ATP9A: variants seen among roughly 807,000 people sequenced by gnomAD.
The protein encoded by ATP9A is ATPase phospholipid transporting 9A.
Under a neutral mutation model 144.1 loss-of-function variants are expected in ATP9A, and 52 were observed. That is an observed-to-expected ratio of 0.36 (90% CI 0.29 to 0.45). ATP9A has a LOEUF of 0.45. ATP9A is among the 20% of genes least tolerant of loss of function. The pLI, the probability that ATP9A is intolerant of heterozygous loss-of-function variation, is 1.00. For synonymous variants in ATP9A, 582 were observed against 557.4 expected (o/e 1.04, Z -0.62); for missense variants, 947 against 1,392.7 (o/e 0.68, Z 5.09).
chr20:51,748,273 C>T (rs114706081), intron 1 of ATP9A, among the ~76,000 whole-genome samples: 1,753 of 152,076 alleles, frequency 0.012, 28 homozygotes, highest in African/African-American at 0.04. Context: ...AGTGAGATCC[C>T]ATCTCTATTT....
chr20:51,615,078 T>C (rs1478478402), intron 22 of ATP9A, among the ~76,000 whole-genome samples: 9 of 3,100 alleles, frequency 2.9e-3, no homozygotes, highest in African/African-American at 9.3e-3. Context: ...TTACATGGGG[T>C]GGGGGTGCCT....
chr20:51,749,299 G>A (rs1014758383), intron 1 of ATP9A, among the ~76,000 whole-genome samples: 5 of 151,900 alleles, frequency 3.3e-5, no homozygotes, highest in African/African-American at 4.8e-5. Context: ...GTCTCACTCC[G>A]TCACCCAGGC....
At chr20:51,726,313 C>CAA (rs11476208) in intron 2 of ATP9A, among the ~76,000 whole-genome samples, 1,324 of 70,706 alleles carry the variant, frequency 0.019, 79 homozygotes, top group South Asian at 0.042. Context: ...AACTCTGTCT[C>CAA]AAAAAAAAAA....
chr20:51,711,618 C>T (rs1327836003), intron 4 of ATP9A, among the ~76,000 whole-genome samples: 1 of 152,116 alleles, frequency 6.6e-6, no homozygotes, highest in Non-Finnish European at 1.5e-5. Flanking sequence ...TTTCCTTGGC[C>T]AGATTAGCAA....
intron 13 of ATP9A, among the ~76,000 whole-genome samples, chr20:51,663,344 G>C (rs376586524): frequency 7.2e-4 from 110 of 152,250 alleles, no homozygotes; most frequent in African/African-American, 2.5e-3. Context: ...CGAATGATAT[G>C]AATACAGGTG....
intron 9 of ATP9A, among the ~76,000 whole-genome samples, chr20:51,686,834 C>A (rs4811218): frequency 0.6 from 90,282 of 151,158 alleles, 27,193 homozygotes; most frequent in Non-Finnish European, 0.62. Context: ...ACTGGAGAGG[C>A]TGAGGCAGGA....
intron 1 of ATP9A, among the ~76,000 whole-genome samples, chr20:51,753,336 T>G (rs768875400): frequency 3.7e-4 from 56 of 152,070 alleles, no homozygotes; most frequent in Non-Finnish European, 6.9e-4. Flanking sequence ...TCCTAGCTAC[T>G]TGGGAGGCAG....
At chr20:51,707,894 C>A (rs2077621395) in intron 4 of ATP9A, among the ~76,000 whole-genome samples, 1 of 151,906 alleles carries the variant, frequency 6.6e-6, no homozygotes, top group East Asian at 1.9e-4. Flanking sequence ...GAGATGGAGT[C>A]TGGCTCTGTC....
At chr20:51,690,665 A>T in intron 8 of ATP9A, 74 bp downstream of exon 8, 2 of 1,264,144 alleles carry the variant, frequency 1.6e-6, no homozygotes, top group Non-Finnish European at 2.3e-6. Context: ...AAGAACTGTC[A>T]GTACTTCTTG....
chr20:51,633,364 T>C lies in ATP9A; in HGVS notation c.1669-4292A>G, dbSNP rs574450612. 7.9e-5 allele frequency among the ~76,000 whole-genome samples: 12 copies of C among 152,308 alleles called. No homozygotes were observed. In the South Asian group the frequency reaches 2.5e-3, roughly 32 times the overall value. ...GTTCAGTGATAATTTTACAAAAATG[T>C]GTGTGGATATTTACACTCGGATATG... On this transcript the variant is annotated intron_variant, in intron 15 of 27. Coordinates refer to ENST00000338821, the MANE Select transcript of ATP9A (RefSeq NM_006045.3).
intron 1 of ATP9A, among the ~76,000 whole-genome samples, chr20:51,743,417 T>TTTTTTTTG (rs2077793509): frequency 6.8e-6 from 1 of 146,416 alleles, no homozygotes; most frequent in Admixed American, 6.8e-5. Flanking sequence ...TTTTTTTTTT[T>TTTTTTTTG]GAGACGGAGT....
chr20:51,656,757 G>A (rs1405659344), intron 14 of ATP9A, among the ~76,000 whole-genome samples, 181 bp downstream of exon 14: 3 of 152,148 alleles, frequency 2.0e-5, no homozygotes, highest in South Asian at 2.1e-4. Flanking sequence ...TCAAGTCCAA[G>A]GCTATTCTTT....
At chr20:51,718,998 C>T (rs1372475491) in intron 3 of ATP9A, among the ~76,000 whole-genome samples, 2 of 151,020 alleles carry the variant, frequency 1.3e-5, no homozygotes, top group Non-Finnish European at 3.0e-5. Flanking sequence ...CGTGGTGGTG[C>T]GCGCCTGTAG....
chr20:51,716,046 G>A (rs923158910), intron 3 of ATP9A, among the ~76,000 whole-genome samples: 7 of 152,086 alleles, frequency 4.6e-5, no homozygotes, highest in African/African-American at 1.7e-4. Flanking sequence ...GGGGTGATAG[G>A]AACAGGCACT....
chr20:51,642,802 G>A (rs6021341), intron 14 of ATP9A, among the ~76,000 whole-genome samples: 1 of 127,046 alleles, frequency 7.9e-6, no homozygotes, highest in Non-Finnish European at 1.6e-5. Flanking sequence ...CTTTTACCAA[G>A]AGAGCTCTGC....
chr20:51,655,756 T>C (rs938276583), intron 14 of ATP9A, among the ~76,000 whole-genome samples: 1 of 151,976 alleles, frequency 6.6e-6, no homozygotes, highest in Non-Finnish European at 1.5e-5. Context: ...AGAGTCACCA[T>C]ATGACATTGC....
At chr20:51,672,458 T>C (rs1269816618) in intron 11 of ATP9A, among the ~76,000 whole-genome samples, 1 of 152,268 alleles carries the variant, frequency 6.6e-6, no homozygotes, top group Non-Finnish European at 1.5e-5. Context: ...GGCTACCACG[T>C]CACTTAGATT....
chr20:51,734,825 G>A lies in ATP9A; in HGVS notation c.69-4847C>T, dbSNP rs925123234. 1.4e-5 allele frequency: 3 copies of A among 216,320 alleles called. No individual in the cohort carries two copies. In the East Asian group the frequency reaches 3.3e-4, roughly 24 times the overall value. 13.4% of individuals were successfully genotyped at this position (216,320 alleles called of 1,614,324 possible). ...TGAGTGCACACGCCGAGGCTATCAA[G>A]ACCCTTGTAAAGTCCAAAGAGGTTA... On this transcript the variant is annotated intron_variant, in intron 1 of 27. Transcript: ENST00000338821.
At chr20:51,634,602 T>A (rs954993491) in intron 15 of ATP9A, among the ~76,000 whole-genome samples, 2 of 152,048 alleles carry the variant, frequency 1.3e-5, no homozygotes, top group African/African-American at 4.8e-5. Context: ...CACTTCTGTA[T>A]CCCAGCACTT....
Sources: gnomAD v4.1 joint callset for allele counts (sites outside exome capture counted in the v4.1 genomes callset) on GRCh38, gnomAD v4.1.1 for gene constraint, MANE v1.5 for transcripts, NCBI Gene and HGNC (gene_info 2026-07-23, HGNC 2026-07-21) for gene names.